IQCM: variants seen among roughly 807,000 people sequenced by gnomAD.
IQCM encodes IQ domain-containing protein M.
IQCM carries 45 observed loss-of-function variants against 57.6 expected under a neutral mutation model. That is an observed-to-expected ratio of 0.78 (90% CI 0.62 to 1.00). IQCM has a LOEUF of 1.00. Ranked by LOEUF, IQCM falls within the 50% of genes least tolerant of loss-of-function variation. The pLI is 0.00. For missense variants in IQCM, 468 were observed against 511.6 expected (o/e 0.91, Z 0.82); for synonymous variants, 148 against 158.9 (o/e 0.93, Z 0.51).
intron 13 of IQCM, among the ~76,000 whole-genome samples, chr4:149,358,665 A>T (rs1046213965): frequency 6.6e-6 from 1 of 152,104 alleles, no homozygotes; most frequent in Non-Finnish European, 1.5e-5. Context: ...AATATATTTT[A>T]ACTTCATTAC....
intron 12 of IQCM, among the ~76,000 whole-genome samples, chr4:149,490,728 G>T (rs1742003471): frequency 2.0e-5 from 3 of 152,044 alleles, no homozygotes; most frequent in Non-Finnish European, 4.4e-5. Flanking sequence ...TACCTGGAAA[G>T]TGCTTCTCTT....
intron 5 of IQCM, among the ~76,000 whole-genome samples, chr4:149,727,432 G>A (rs1390871751): frequency 6.6e-6 from 1 of 152,066 alleles, no homozygotes; most frequent in Non-Finnish European, 1.5e-5. Flanking sequence ...CTTTCAGCAA[G>A]TACTGACAAT....
intron 13 of IQCM, among the ~76,000 whole-genome samples, chr4:149,417,680 T>C (rs1434619131): frequency 1.3e-5 from 2 of 152,098 alleles, no homozygotes; most frequent in South Asian, 2.1e-4. Context: ...AGTTGTACAA[T>C]TGAGTCATCC....
chr4:149,761,268 C>T (rs553463782), intron 2 of IQCM, among the ~76,000 whole-genome samples: 22 of 152,150 alleles, frequency 1.4e-4, no homozygotes, highest in African/African-American at 4.3e-4. Flanking sequence ...TATCAAAGTA[C>T]CAGTGTTTAT....
chr4:149,678,411 C>A lies in IQCM; in HGVS notation c.565+3707G>T, dbSNP rs576602250. On this transcript the variant is annotated intron_variant, in intron 7 of 13. Coordinates refer to ENST00000636793, the MANE Select transcript of IQCM (RefSeq NM_001363507.2). ...GCTGAAACAGAAAATCTATTGCCAG[C>A]TAAGAATACTGTATTCAACAAACTA... Among the ~76,000 whole-genome samples the A allele has an allele frequency of 7.9e-5, 12 of 151,904 alleles. No individual in the cohort carries two copies. The South Asian group carries it at 1.0e-3, about 13-fold the overall frequency.
At chr4:149,493,177 T>C (rs1420250640) in intron 12 of IQCM, among the ~76,000 whole-genome samples, 1 of 152,140 alleles carries the variant, frequency 6.6e-6, no homozygotes, top group Non-Finnish European at 1.5e-5. Context: ...TACCCTCATA[T>C]TCAATTGGTT....
chr4:149,690,811 G>A (rs1042153261), intron 5 of IQCM: 1 of 152,000 alleles, frequency 6.6e-6, no homozygotes, highest in African/African-American at 2.4e-5. Context: ...TTCTGTTTTT[G>A]TTTTTGTAAA....
chr4:149,369,101 A>G (rs1392425650), intron 13 of IQCM, among the ~76,000 whole-genome samples: 1 of 145,368 alleles, frequency 6.9e-6, no homozygotes, highest in Non-Finnish European at 1.5e-5. Flanking sequence ...CTGGAGTGCA[A>G]TGGCACGATC....
chr4:149,394,242 T>C (rs1471025242), intron 13 of IQCM, among the ~76,000 whole-genome samples: 1 of 152,010 alleles, frequency 6.6e-6, no homozygotes, highest in Non-Finnish European at 1.5e-5. Context: ...ATCTTAAATG[T>C]CTGAAAATTT....
chr4:149,594,685 C>G (rs982826720), intron 8 of IQCM, among the ~76,000 whole-genome samples: 1 of 152,168 alleles, frequency 6.6e-6, no homozygotes, highest in Non-Finnish European at 1.5e-5. Context: ...CAAAGAACAT[C>G]TTTATTTCTG....
rs1738077297 is a variant in IQCM at position 149,459,766 on chromosome 4, T to A, written c.1229-26209A>T. The stretch of plus-strand genomic sequence containing the variant: ...TTATGTCGTAGTATATTCCAGAATT[T>A]CCTTTCTTTTTAAGGCTGAATTATA... On this transcript the variant is annotated intron_variant, in intron 12 of 13. Coordinates refer to ENST00000636793, the MANE Select transcript of IQCM (RefSeq NM_001363507.2). Among the ~76,000 whole-genome samples the A allele has an allele frequency of 2.6e-5, 4 of 152,326 alleles. No homozygotes were observed. The East Asian group carries it at 7.7e-4, about 29-fold the overall frequency.
chr4:149,623,485 C>T (rs1207413990), intron 7 of IQCM, among the ~76,000 whole-genome samples: 1 of 152,170 alleles, frequency 6.6e-6, no homozygotes, highest in East Asian at 1.9e-4. Flanking sequence ...CCACTAAAAT[C>T]CTCAAGGTAA....
intron 2 of IQCM, among the ~76,000 whole-genome samples, chr4:149,800,994 T>C (rs1218749294): frequency 2.0e-5 from 3 of 151,892 alleles, no homozygotes; most frequent in Non-Finnish European, 4.4e-5. Context: ...AAAATTGATA[T>C]GGAATCACAA....
At position 149,471,114 on chromosome 4, in the gene IQCM, A is replaced by T. The variant is rs563283349; in HGVS notation, c.1229-37557T>A. ...GCTAGCAGAAGGTAAGAAATAACTA[A>T]GATCAGAGCAGAACTGAAGGAGATA... On this transcript the variant is annotated intron_variant, in intron 12 of 13. Coordinates refer to ENST00000636793, the MANE Select transcript of IQCM (RefSeq NM_001363507.2). 1.8e-3 allele frequency among the ~76,000 whole-genome samples: 270 copies of T among 152,300 alleles called. 1 individual carries two copies. Among genetic ancestry groups the T allele is most frequent in the African/African-American group, 6.3e-3 (263 of 41,558 alleles).
chr4:149,373,508 G>A (rs980288519), intron 13 of IQCM, among the ~76,000 whole-genome samples: 1 of 152,062 alleles, frequency 6.6e-6, no homozygotes, highest in Non-Finnish European at 1.5e-5. Flanking sequence ...TAAATAACGT[G>A]TACAATATAT....
At chr4:149,723,818 G>T (rs1321362302) in intron 5 of IQCM, among the ~76,000 whole-genome samples, 1 of 151,862 alleles carries the variant, frequency 6.6e-6, no homozygotes, top group Non-Finnish European at 1.5e-5. Flanking sequence ...GAGTTAGGGT[G>T]GATTTCCTCC....
At chr4:149,384,883 A>G (rs1731311699) in intron 13 of IQCM, among the ~76,000 whole-genome samples, 2 of 152,012 alleles carry the variant, frequency 1.3e-5, no homozygotes, top group African/African-American at 4.8e-5. Flanking sequence ...AAACATTAAG[A>G]ATTTCCTCAT....
chr4:149,522,168 T>A (rs1745718275), intron 12 of IQCM, among the ~76,000 whole-genome samples: 1 of 152,186 alleles, frequency 6.6e-6, no homozygotes, highest in Admixed American at 6.5e-5. Flanking sequence ...GACAGAGTTA[T>A]TCTAGTTCCT....
chr4:149,560,494 A>G (rs1750014027), intron 10 of IQCM, among the ~76,000 whole-genome samples: 1 of 152,152 alleles, frequency 6.6e-6, no homozygotes, highest in Non-Finnish European at 1.5e-5. Context: ...AAGAGCCTAG[A>G]AGCATTACAT....
Sources: gnomAD v4.1 joint callset for allele counts (sites outside exome capture counted in the v4.1 genomes callset) on GRCh38, gnomAD v4.1.1 for gene constraint, MANE v1.5 for transcripts, NCBI Gene and HGNC (gene_info 2026-07-23, HGNC 2026-07-21) for gene names.